CTDSPL2: variants seen among roughly 807,000 people sequenced by gnomAD.
The protein encoded by CTDSPL2 is CTD small phosphatase like 2.
CTDSPL2 carries 5 observed loss-of-function variants against 60.0 expected under a neutral mutation model. The ratio of observed to expected loss-of-function variants is 0.08; its 90% CI spans 0.04 to 0.18. The LOEUF is 0.18. CTDSPL2 is among the 10% of genes least tolerant of loss of function. CTDSPL2 has a pLI of 1.00. For missense variants in CTDSPL2, 370 were observed against 548.8 expected (o/e 0.67, Z 3.26); for synonymous variants, 186 against 189.3 (o/e 0.98, Z 0.14).
chr15:44,502,619 A>G (rs1189788823), intron 8 of CTDSPL2, among the ~76,000 whole-genome samples: 1 of 152,210 alleles, frequency 6.6e-6, no homozygotes, highest in African/African-American at 2.4e-5. Flanking sequence ...AACGTTATAT[A>G]CAAAAATCAG....
chr15:44,453,092 G>A (rs2080363088), intron 1 of CTDSPL2, among the ~76,000 whole-genome samples: 2 of 152,086 alleles, frequency 1.3e-5, no homozygotes, highest in Admixed American at 1.3e-4. Flanking sequence ...CATTTGCAAA[G>A]AGATAAGTTT....
chr15:44,447,537 A>G (rs1366166722), intron 1 of CTDSPL2: 1 of 152,282 alleles, frequency 6.6e-6, no homozygotes, highest in Non-Finnish European at 1.5e-5. Context: ...ATAGTTAACA[A>G]GAAAAAAATA....
In CTDSPL2 at chr15:44,519,560, T is replaced by C. The variant is rs185387844; in HGVS notation, c.1239+265T>C. 9.4e-4 allele frequency: 256 copies of C among 272,526 alleles called. 1 individual carries two copies. Among genetic ancestry groups the C allele is most frequent in the African/African-American group, 5.2e-3 (233 of 44,738 alleles). 16.9% of individuals were successfully genotyped at this position (272,526 alleles called of 1,614,324 possible). A position where few individuals can be genotyped will look rare whatever the true frequency, so the allele number is the denominator to read the frequency against. On this transcript the variant is annotated intron_variant, in intron 11 of 12. Coordinates refer to ENST00000260327, the MANE Select transcript of CTDSPL2 (RefSeq NM_016396.3). ...ATCATTGAATAGCATTCTTATCAGT[T>C]ATTAAATCAGTAATTAGTAATTTAA...
chr15:44,523,291 C>G (rs541351924), intron 12 of CTDSPL2, among the ~76,000 whole-genome samples: 1 of 152,070 alleles, frequency 6.6e-6, no homozygotes, highest in Non-Finnish European at 1.5e-5. Flanking sequence ...GCCACTGCAC[C>G]CAGCAGTAAT....
chr15:44,448,629 G>T (rs2080269688), intron 1 of CTDSPL2: 2 of 309,324 alleles, frequency 6.5e-6, no homozygotes, highest in Admixed American at 7.7e-5. Context: ...CACCATGGGG[G>T]TCCCTCCTCC....
At chr15:44,519,322 C>G (rs1239628421) in intron 11 of CTDSPL2, 27 bp downstream of exon 11, 2 of 1,531,212 alleles carry the variant, frequency 1.3e-6, no homozygotes, top group Non-Finnish European at 1.7e-6. Context: ...TAAACAAACT[C>G]AGATTGGAAA....
rs59993417 is a variant in CTDSPL2, at chr15:44,444,302, T to TACACACACACACACAC, written c.-24-14665_-24-14650dup. ...AATCCAATGTTATGAGCTTTTCCCATACACACACACACACACACACACACA... is the reference window on the plus strand; with the variant it reads ...AATCCAATGTTATGAGCTTTTCCCATACACACACACACACACACACACACACACACACACACACACA... On this transcript the variant is annotated intron_variant, in intron 1 of 12. Transcript: ENST00000260327. 6.8e-4 allele frequency among the ~76,000 whole-genome samples: 92 copies of TACACACACACACACAC among 136,278 alleles called. 1 individual carries two copies. Among genetic ancestry groups the TACACACACACACACAC allele is most frequent in the African/African-American group, 2.1e-3 (75 of 36,084 alleles). The allele number at this position is 136,278 out of a possible 152,430, so 89.4% of individuals were successfully genotyped here.
chr15:44,471,711 C>T (rs1280124570), intron 2 of CTDSPL2, among the ~76,000 whole-genome samples: 1 of 152,016 alleles, frequency 6.6e-6, no homozygotes, highest in African/African-American at 2.4e-5. Flanking sequence ...ATTGTGCAAC[C>T]ATTGCCTCAA....
rs549172050 is a variant in CTDSPL2 at position 44,527,158 on chromosome 15, A to G, written c.*2984A>G. On this transcript the variant is annotated 3_prime_UTR_variant, in exon 13 of 13. Coordinates refer to ENST00000260327, the MANE Select transcript of CTDSPL2 (RefSeq NM_016396.3). ...TACCCAATGGCTTTATCTGTTTCCC[A>G]AAATTTGTTTGGGATTTGTTGAAAG... 3 of 152,656 alleles carry G rather than the reference A, an allele frequency of 2.0e-5. No individual in the cohort carries two copies. The highest frequency in any genetic ancestry group is 2.0e-4 in the Admixed American group (3 of 15,290). The allele number at this position is 152,656 out of a possible 1,614,324, so 9.5% of individuals were successfully genotyped here.
chr15:44,521,970 G>C (rs762075604), intron 12 of CTDSPL2, among the ~76,000 whole-genome samples: 10 of 134,276 alleles, frequency 7.4e-5, no homozygotes, highest in Non-Finnish European at 1.3e-4. Flanking sequence ...AAAACATGAT[G>C]ATGATGATGA....
intron 8 of CTDSPL2, among the ~76,000 whole-genome samples, chr15:44,507,250 A>G (rs1394904853): frequency 6.6e-6 from 1 of 151,266 alleles, no homozygotes; most frequent in Non-Finnish European, 1.5e-5. Flanking sequence ...ATGCCGAGCT[A>G]ATTTTTGTAT....
At chr15:44,435,873 C>T (rs943209892) in intron 1 of CTDSPL2, among the ~76,000 whole-genome samples, 4 of 152,070 alleles carry the variant, frequency 2.6e-5, no homozygotes, top group Non-Finnish European at 5.9e-5. Context: ...TCCCAAAGTG[C>T]TGGGATTACA....
intron 7 of CTDSPL2, 124 bp from the exon 8 acceptor site, chr15:44,499,603 T>A (rs907326894): frequency 1.8e-6 from 1 of 556,168 alleles, no homozygotes. Context: ...TATAGTAATA[T>A]ATTATAAATG....
At chr15:44,493,131 T>C (rs1294268280) in intron 5 of CTDSPL2, among the ~76,000 whole-genome samples, 2 of 151,874 alleles carry the variant, frequency 1.3e-5, no homozygotes, top group African/African-American at 2.4e-5. Flanking sequence ...TCCTGAGGAG[T>C]TTGTGATCTA....
chr15:44,508,178 G>A (rs2081504350), intron 8 of CTDSPL2, among the ~76,000 whole-genome samples: 1 of 151,850 alleles, frequency 6.6e-6, no homozygotes, highest in Non-Finnish European at 1.5e-5. Context: ...AACCTCCTGG[G>A]TTCAAGCAAT....
rs1284177304 is a variant in CTDSPL2, at chr15:44,459,188, A to C, written c.174A>C (p.Gly58=). 1 of 1,605,086 alleles carries C rather than the reference A, an allele frequency of 6.2e-7. No homozygotes were observed. Among genetic ancestry groups the C allele is most frequent in the South Asian group, 1.1e-5 (1 of 89,892 alleles). Residue 58 remains glycine (G), a synonymous_variant, in exon 2 of 13, where the codon GGA becomes GGC. Transcript: ENST00000260327. ...CTTCAATTAAAAAATTTATTAAAGG[A>C]AGCACACCTAAGGTAATGATTTTAC... ...LLSSIKKFIK[G]STPKEERENP...
intron 2 of CTDSPL2, among the ~76,000 whole-genome samples, chr15:44,469,234 G>A (rs554402095): frequency 1.3e-5 from 2 of 152,246 alleles, no homozygotes; most frequent in South Asian, 2.1e-4. Flanking sequence ...GCATAAGGGG[G>A]AACTACTGTA....
In CTDSPL2 at chr15:44,504,780, G is replaced by A. The variant is rs187546976; in HGVS notation, c.969+4967G>A. Reference sequence around the variant, plus strand: ...AGCTACTCGATAGGCTGAGGCAGGAGGATTGCTTGAGCCAGGAGGCTGAGA... The same window carrying A: ...AGCTACTCGATAGGCTGAGGCAGGAAGATTGCTTGAGCCAGGAGGCTGAGA... On this transcript the variant is annotated intron_variant, in intron 8 of 12. Transcript: ENST00000260327. Among the ~76,000 whole-genome samples the A allele has an allele frequency of 2.0e-5, 3 of 152,168 alleles. No individual in the cohort carries two copies. The East Asian group carries it at 5.8e-4, about 29-fold the overall frequency.
intron 2 of CTDSPL2, among the ~76,000 whole-genome samples, chr15:44,472,979 T>C (rs1191528799): frequency 1.3e-5 from 2 of 152,082 alleles, no homozygotes. Context: ...GTATTTTTTG[T>C]AGAGACAGGG....
Sources: allele counts gnomAD v4.1 joint callset (sites outside exome capture counted in the v4.1 genomes callset), GRCh38; gene constraint gnomAD v4.1.1; transcripts MANE v1.5; gene names NCBI Gene and HGNC (gene_info 2026-07-23, HGNC 2026-07-21).